The following PDIA6 variants were observed in gnomAD, a reference collection of about 807,000 sequenced individuals.
PDIA6 encodes the protein protein disulfide-isomerase A6.
Under a neutral mutation model 58.4 loss-of-function variants are expected in PDIA6, and 29 were observed. The ratio of observed to expected loss-of-function variants is 0.50; its 90% CI spans 0.37 to 0.68. PDIA6 has a LOEUF of 0.68. Among genes scored for constraint, PDIA6 ranks in the 30% least tolerant of loss-of-function variants. PDIA6 has a pLI of 0.00. For synonymous variants in PDIA6, 192 were observed against 202.6 expected, an observed-to-expected ratio of 0.95 and a Z score of 0.44; for missense variants, 480 against 551.0, an observed-to-expected ratio of 0.87 and a Z score of 1.29.
upstream of PDIA6, among the ~76,000 whole-genome samples, chr2:10,834,225 G>A (rs180989755): frequency 7.3e-4 from 111 of 152,362 alleles, 1 homozygote; most frequent in African/African-American, 2.6e-3. Context: ...TTCAGGCTGC[G>A]CTTCTGAGCA....
upstream of PDIA6, among the ~76,000 whole-genome samples, chr2:10,832,929 C>G (rs567279650): frequency 1.2e-4 from 18 of 151,494 alleles, no homozygotes; most frequent in South Asian, 3.7e-3. Context: ...CCCCCGCCCC[C>G]CCAGCCACTG....
chr2:10,802,991 G>A (rs887297925), intron 1 of PDIA6, among the ~76,000 whole-genome samples: 1 of 152,176 alleles, frequency 6.6e-6, no homozygotes, highest in Non-Finnish European at 1.5e-5. Flanking sequence ...CTGAAAAATT[G>A]GGAGGTCACT....
At chr2:10,793,068 A>G (rs776905480) in intron 5 of PDIA6, 28 bp downstream of exon 5, 1 of 1,479,946 alleles carries the variant, frequency 6.8e-7, no homozygotes. Context: ...ATTATGACAC[A>G]TTAAAAACTG....
At chr2:10,796,575 T>C (rs916299337) in intron 4 of PDIA6, among the ~76,000 whole-genome samples, 12 of 151,902 alleles carry the variant, frequency 7.9e-5, no homozygotes, top group Non-Finnish European at 1.5e-4. Context: ...GGGTGAAACC[T>C]GAATTCTTTC....
upstream of PDIA6, chr2:10,837,400 A>T (rs1001193185): frequency 3.6e-4 from 219 of 614,406 alleles, 5 homozygotes; most frequent in South Asian, 4.2e-3. Context: ...AGATTAAAAA[A>T]CATACGTGAG....
At chr2:10,831,961 G>A (rs1229085587) in intron 1 of PDIA6, among the ~76,000 whole-genome samples, 1 of 135,046 alleles carries the variant, frequency 7.4e-6, no homozygotes, top group African/African-American at 2.7e-5. Flanking sequence ...GGGTCCCCTG[G>A]AGCTATGATG....
chr2:10,798,794 C>A (rs892108581), intron 2 of PDIA6, among the ~76,000 whole-genome samples: 15 of 152,152 alleles, frequency 9.9e-5, no homozygotes, highest in Non-Finnish European at 2.2e-4. Context: ...GCTAGTGATT[C>A]TTAAACCTAC....
chr2:10,796,208 C>T (rs1478150366), intron 4 of PDIA6, among the ~76,000 whole-genome samples: 2 of 152,126 alleles, frequency 1.3e-5, no homozygotes, highest in African/African-American at 4.8e-5. Context: ...CACCCACCAC[C>T]GTGCCCGGCT....
chr2:10,805,674 T>G (rs1309963895), intron 1 of PDIA6, among the ~76,000 whole-genome samples: 1 of 90,166 alleles, frequency 1.1e-5, no homozygotes, highest in Non-Finnish European at 2.6e-5. Context: ...TGTCCAACAA[T>G]GATAGACTGG....
upstream of PDIA6, among the ~76,000 whole-genome samples, chr2:10,833,090 A>G (rs1423434316): frequency 6.6e-6 from 1 of 152,068 alleles, no homozygotes; most frequent in African/African-American, 2.4e-5. Flanking sequence ...CCAGAGGCAG[A>G]GCAGTCAGAA....
intron 2 of PDIA6, among the ~76,000 whole-genome samples, chr2:10,798,351 T>C (rs961219525): frequency 5.3e-5 from 8 of 152,062 alleles, no homozygotes; most frequent in Non-Finnish European, 1.0e-4. Context: ...GGCAGATCAC[T>C]TGAACTCAGG....
intron 1 of PDIA6, among the ~76,000 whole-genome samples, chr2:10,811,720 G>A (rs540046773): frequency 3.3e-5 from 5 of 152,332 alleles, no homozygotes; most frequent in African/African-American, 1.2e-4. Flanking sequence ...GGCGAGCCCG[G>A]CAAGGACAGG....
In PDIA6 at chr2:10,787,954, T is replaced by A. The variant is rs192959158; in HGVS notation, c.999-515A>T. ...GGTGGCGTGCGCCTGTAGTCCCAGC[T>A]ACGCAGGAGGCTAAGGCAGGAGGAT... is the stretch of plus-strand genomic sequence containing the variant. On this transcript the variant is annotated intron_variant, in intron 10 of 12. Transcript: ENST00000272227. 2.3e-4 allele frequency among the ~76,000 whole-genome samples: 34 copies of A among 151,058 alleles called. No individual in the cohort carries two copies. In the East Asian group the frequency reaches 6.3e-3, roughly 28 times the overall value.
chr2:10,834,841 A>ACCG (rs1667796124), upstream of PDIA6, among the ~76,000 whole-genome samples: 3 of 150,848 alleles, frequency 2.0e-5, no homozygotes, highest in South Asian at 6.3e-4. Context: ...ATCTTAGCTC[A>ACCG]CCGCAACCTC....
intron 11 of PDIA6, among the ~76,000 whole-genome samples, chr2:10,785,272 T>C (rs1665663867): frequency 6.6e-6 from 1 of 152,310 alleles, no homozygotes; most frequent in South Asian, 2.1e-4. Flanking sequence ...TCAGTTGCTA[T>C]CAGTAAGCTT....
intron 1 of PDIA6, among the ~76,000 whole-genome samples, chr2:10,811,137 G>C (rs972222287): frequency 6.6e-6 from 1 of 151,964 alleles, no homozygotes; most frequent in African/African-American, 2.4e-5. Flanking sequence ...ACTCTTTCAG[G>C]GTCTAGTCTG....
At chr2:10,829,841 A>C (rs987927111) in intron 1 of PDIA6, among the ~76,000 whole-genome samples, 4 of 152,154 alleles carry the variant, frequency 2.6e-5, no homozygotes, top group African/African-American at 9.7e-5. Flanking sequence ...CGGGTCAAAC[A>C]GTCCCTCTGA....
Position 10,797,061 on chromosome 2 carries a change from T to C in PDIA6, c.346+20A>G. ...GTTCTTGTCTACCAGGGGAATGAAG[T>C]AGCTAGGAAAAGTCCTTACCTTGGT... On this transcript the variant is annotated intron_variant, in intron 4 of 12. Transcript: ENST00000272227. The C allele has an allele frequency of 6.2e-7, 1 of 1,610,250 alleles. No homozygotes were observed. Among genetic ancestry groups the C allele is most frequent in the Non-Finnish European group, 8.5e-7 (1 of 1,177,018 alleles).
chr2:10,824,869 A>G (rs572712527), intron 1 of PDIA6, among the ~76,000 whole-genome samples: 1 of 152,330 alleles, frequency 6.6e-6, no homozygotes, highest in East Asian at 1.9e-4. Context: ...GATGGTTAAT[A>G]TAGAGTGTCA....
Sources: allele counts gnomAD v4.1 joint callset (sites outside exome capture counted in the v4.1 genomes callset), GRCh38; gene constraint gnomAD v4.1.1; transcripts MANE v1.5; gene names NCBI Gene and HGNC (gene_info 2026-07-23, HGNC 2026-07-21).